The following PCDHGB1 variants were observed in gnomAD, a reference collection of about 807,000 sequenced individuals.
PCDHGB1 encodes the protein protocadherin gamma-B1.
Under a neutral mutation model 56.6 loss-of-function variants are expected in PCDHGB1, and 34 were observed. That is an observed-to-expected ratio of 0.60 (90% CI 0.46 to 0.80). The LOEUF (loss-of-function observed/expected upper bound fraction) is 0.80. Ranked by LOEUF, PCDHGB1 falls within the 30% of genes least tolerant of loss-of-function variation. PCDHGB1 has a pLI of 0.00. For synonymous variants in PCDHGB1, 561 were observed against 505.9 expected, an observed-to-expected ratio of 1.11 and a Z score of -1.46; for missense variants, 1,278 against 1,204.6, an observed-to-expected ratio of 1.06 and a Z score of -0.90.
Position 141,491,756 on chromosome 5 carries a change from C to T in PCDHGB1, c.2410-3051C>T. The T allele has an allele frequency of 1.3e-6, 2 of 1,581,720 alleles. No individual in the cohort carries two copies. Among genetic ancestry groups the T allele is most frequent in the Non-Finnish European group, 8.6e-7 (1 of 1,165,100 alleles). ...CCTGGGGGCGGCACTGGAGAAGCCG[C>T]CCGTCCTCATAAGGGATTGAACTTG... On this transcript the variant is annotated intron_variant, in intron 1 of 3. Coordinates refer to ENST00000523390, the MANE Select transcript of PCDHGB1 (RefSeq NM_018922.3). This position sits in a 1 kb window ranked among gnomAD's most constrained non-coding sequence, Gnocchi z 6.9.
At chr5:141,446,129 A>C (rs1488078150) in intron 1 of PCDHGB1, among the ~76,000 whole-genome samples, 1 of 152,204 alleles carries the variant, frequency 6.6e-6, no homozygotes, top group Non-Finnish European at 1.5e-5. Flanking sequence ...GTTCAATAAG[A>C]CTTAATAATG....
rs61612330 is a variant in PCDHGB1, at chr5:141,454,796, A to ATTTTTTTTTTTTTTT, written c.2410-39996_2410-39982dup. 1.0e-3 allele frequency among the ~76,000 whole-genome samples: 80 copies of ATTTTTTTTTTTTTTT among 77,456 alleles called. 10 individuals are homozygous for ATTTTTTTTTTTTTTT. The highest frequency in any genetic ancestry group is 2.0e-3 in the East Asian group (5 of 2,512). The allele number at this position is 77,456 out of a possible 152,430, so 50.8% of individuals were successfully genotyped here. A position where few individuals can be genotyped will look rare whatever the true frequency, so the allele number is the denominator to read the frequency against. On this transcript the variant is annotated intron_variant, in intron 1 of 3. Transcript: ENST00000523390. ...AAGGAAATAATCCTCCATGGTTCTA[A>ATTTTTTTTTTTTTTT]TTTTTTTTTTTTTTTTTTTTTTTTT...
In PCDHGB1 at chr5:141,356,633, A is replaced by T. The variant is rs778939547; in HGVS notation, c.2409+3964A>T. 26 of 1,613,986 alleles carry T rather than the reference A, an allele frequency of 1.6e-5. No individual in the cohort carries two copies. The South Asian group carries it at 2.7e-4, about 17-fold the overall frequency. ...TCCATCTTATCTATGACTGCTCAAGACCCTGACAGTGGTGACAATGCCCGA... is the reference window on the plus strand; with the variant it reads ...TCCATCTTATCTATGACTGCTCAAGTCCCTGACAGTGGTGACAATGCCCGA... On this transcript the variant is annotated intron_variant, in intron 1 of 3. Transcript: ENST00000523390.
At chr5:141,419,761 C>A in intron 1 of PCDHGB1, 1 of 1,614,008 alleles carries the variant, frequency 6.2e-7, no homozygotes, top group South Asian at 1.1e-5. Context: ...CTTTGGGTGA[C>A]AAGGACTCGG....
chr5:141,420,251 G>A lies in PCDHGB1; in HGVS notation c.2409+67582G>A, dbSNP rs778777293. ...TAGCATTTTAACTCCCAGCGTTGAA[G>A]CAGATAAGAAGATTCTTAAACAGGT... is the stretch of plus-strand genomic sequence containing the variant. On this transcript the variant is annotated intron_variant, in intron 1 of 3. Transcript: ENST00000523390. The A allele has an allele frequency of 2.9e-5, 46 of 1,578,746 alleles. No homozygotes were observed. In the South Asian group the frequency reaches 4.5e-4, roughly 15 times the overall value.
chr5:141,355,458 C>A, intron 1 of PCDHGB1: 2 of 1,614,050 alleles, frequency 1.2e-6, no homozygotes, highest in Non-Finnish European at 1.7e-6. Context: ...CCTTGGTCAC[C>A]GCGGGTAGGA....
chr5:141,364,519 A>G, intron 1 of PCDHGB1: 1 of 1,614,016 alleles, frequency 6.2e-7, no homozygotes, highest in Non-Finnish European at 8.5e-7. Context: ...CGGAGCGCGG[A>G]GTCCGCATCG....
At chr5:141,469,425 C>T (rs1035406646) in intron 1 of PCDHGB1, among the ~76,000 whole-genome samples, 1 of 151,622 alleles carries the variant, frequency 6.6e-6, no homozygotes, top group East Asian at 1.9e-4. Context: ...AAATATAAAA[C>T]TTAGCTGGGC....
chr5:141,486,287 A>G lies in PCDHGB1; in HGVS notation c.2410-8520A>G, dbSNP rs1484787777. Reference sequence around the variant, plus strand: ...AGAACCTGGCACTGTGGTGGCACTTATCAGTGTGCAGGATCCAGACTCAGG... The same window carrying G: ...AGAACCTGGCACTGTGGTGGCACTTGTCAGTGTGCAGGATCCAGACTCAGG... On this transcript the variant is annotated intron_variant, in intron 1 of 3. Transcript: ENST00000523390. The surrounding 1 kb of genome is among the most constrained non-coding windows in gnomAD (Gnocchi z 5.0). 1 of 1,613,912 alleles carries G rather than the reference A, an allele frequency of 6.2e-7. No homozygotes were observed. The highest frequency in any genetic ancestry group is 8.5e-7 in the Non-Finnish European group (1 of 1,179,970).
chr5:141,424,690 TA>T (rs796070231), intron 1 of PCDHGB1: 89 of 152,358 alleles, frequency 5.8e-4, no homozygotes, highest in African/African-American at 1.9e-3. Context: ...TCCTTCTGGC[TA>T]TTTTTTTGTT....
chr5:141,409,541 G>C lies in PCDHGB1; in HGVS notation c.2409+56872G>C, dbSNP rs1485327824. ...CACCTTGTATGTCGCTGACATCAAC[G>C]ACAACGCCCCAGTTTTCGACCAGAC... On this transcript the variant is annotated intron_variant, in intron 1 of 3. Coordinates refer to ENST00000523390, the MANE Select transcript of PCDHGB1 (RefSeq NM_018922.3). 16 of 1,613,852 alleles carry C rather than the reference G, an allele frequency of 9.9e-6. No homozygotes were observed. Among genetic ancestry groups the C allele is most frequent in the Admixed American group, 1.7e-5 (1 of 60,016 alleles).
chr5:141,413,024 C>A, intron 1 of PCDHGB1: 2 of 736,250 alleles, frequency 2.7e-6, no homozygotes, highest in Non-Finnish European at 4.2e-6. Flanking sequence ...ACAAGCCCCA[C>A]AAACCGGCTG....
chr5:141,399,627 CG>C (rs2093851448), intron 1 of PCDHGB1: 1 of 1,613,906 alleles, frequency 6.2e-7, no homozygotes, highest in Non-Finnish European at 8.5e-7. Context: ...TGGCCTCTTA[CG>C]TGTCCATGAG....
At chr5:141,382,983 A>G (rs1377762297) in intron 1 of PCDHGB1, 4 of 1,612,430 alleles carry the variant, frequency 2.5e-6, no homozygotes, top group Non-Finnish European at 3.4e-6. Flanking sequence ...AAGCCTGGGC[A>G]GGACGTATTC....
intron 3 of PCDHGB1, 126 bp downstream of exon 3, chr5:141,505,607 T>A: frequency 6.5e-7 from 1 of 1,528,684 alleles, no homozygotes. Flanking sequence ...TCGGCAGGTC[T>A]GAAAGGACCC....
At chr5:141,488,872 T>C (rs773185475) in intron 1 of PCDHGB1, among the ~76,000 whole-genome samples, 4 of 151,794 alleles carry the variant, frequency 2.6e-5, no homozygotes, top group Non-Finnish European at 5.9e-5. Flanking sequence ...AGTGGGGAGG[T>C]AGGAAGCTTC....
At chr5:141,381,409 G>T (rs998398001) in intron 1 of PCDHGB1, among the ~76,000 whole-genome samples, 1 of 152,220 alleles carries the variant, frequency 6.6e-6, no homozygotes, top group Non-Finnish European at 1.5e-5. Context: ...CAACATCAGT[G>T]GAGAGACGAG....
chr5:141,391,756 TAGTA>T (rs1440223357), intron 1 of PCDHGB1: 2 of 152,192 alleles, frequency 1.3e-5, no homozygotes, highest in African/African-American at 2.4e-5. Flanking sequence ...TTTGGCTTCT[TAGTA>T]AGTATTATAT....
chr5:141,408,185 C>G, intron 1 of PCDHGB1: 1 of 1,540,440 alleles, frequency 6.5e-7, no homozygotes, highest in Non-Finnish European at 8.8e-7. Context: ...GGGGACCCAG[C>G]GAGAACCCGA....
Sources: gnomAD v4.1 joint callset for allele counts (sites outside exome capture counted in the v4.1 genomes callset) on GRCh38, gnomAD v4.1.1 for gene constraint, Gnocchi (gnomAD v3.1) non-coding constraint, MANE v1.5 for transcripts, NCBI Gene and HGNC (gene_info 2026-07-23, HGNC 2026-07-21) for gene names.